Variants in RBSN observed in about 807,000 individuals in gnomAD.
RBSN encodes the protein rabenosyn-5.
Under a neutral mutation model 60.5 loss-of-function variants are expected in RBSN, and 34 were observed. The observed-to-expected ratio is 0.56, with a 90% confidence interval of 0.43 to 0.75. The LOEUF (loss-of-function observed/expected upper bound fraction) is 0.75. Among genes scored for constraint, RBSN ranks in the 30% least tolerant of loss-of-function variants. The probability of loss-of-function intolerance (pLI) is 0.00; values close to 1 mark genes in which losing one functional copy is unlikely to be tolerated. For missense variants in RBSN, 845 were observed against 986.8 expected (o/e 0.86, Z 1.92); for synonymous variants, 322 against 366.9 (o/e 0.88, Z 1.40).
At chr3:15,089,474 A>C (rs931290920) in intron 5 of RBSN, among the ~76,000 whole-genome samples, 5 of 107,714 alleles carry the variant, frequency 4.6e-5, no homozygotes, top group South Asian at 2.4e-4. Flanking sequence ...AAAAAAAAAA[A>C]AAACAAAAAA....
At position 15,073,156 on chromosome 3, in the gene RBSN, A is replaced by G. The variant is rs1283917341; in HGVS notation, c.*626T>C. On this transcript the variant is annotated 3_prime_UTR_variant, in exon 14 of 14. Transcript: ENST00000253699. Reference sequence around the variant, plus strand: ...ATATTCCCATCACCCCACCTTAAAAAGAGGTGCTGGGCTCTCCTGGGTCTA... The same window carrying G: ...ATATTCCCATCACCCCACCTTAAAAGGAGGTGCTGGGCTCTCCTGGGTCTA... The G allele has an allele frequency of 6.6e-6, 1 of 152,634 alleles. No individual in the cohort carries two copies. 9.5% of individuals were successfully genotyped at this position (152,634 alleles called of 1,614,324 possible).
intron 10 of RBSN, among the ~76,000 whole-genome samples, chr3:15,078,779 CATATAT>C (rs57572763): frequency 0.029 from 1,440 of 50,500 alleles, 49 homozygotes; most frequent in Non-Finnish European, 0.037. Context: ...AAAAAAAATA[CATATAT>C]ATATATATAT....
At position 15,084,796 on chromosome 3, in the gene RBSN, G is replaced by A. The variant is rs1254477115; in HGVS notation, c.537C>T (p.Cys179=). The change falls in exon 8 of 14, where the codon TGC becomes TGT. Residue 179 remains cysteine, a synonymous_variant. Coordinates refer to ENST00000253699, the MANE Select transcript of RBSN (RefSeq NM_022340.4). This position sits in a 1 kb window ranked among gnomAD's most constrained non-coding sequence, Gnocchi z 4.2. ...TGCACATAATAGACCCGCAGAGGCGGCAGTGGTGGCGGCGGTTCCGGATGC... is the reference window on the plus strand; with the variant it reads ...TGCACATAATAGACCCGCAGAGGCGACAGTGGTGGCGGCGGTTCCGGATGC... The part of the protein sequence containing the change: ...KFSIRNRRHH[C]RLCGSIMCKK... 1.2e-6 allele frequency: 2 copies of A among 1,614,192 alleles called. No individual in the cohort carries two copies. Among genetic ancestry groups the A allele is most frequent in the East Asian group, 4.5e-5 (2 of 44,888 alleles).
At chr3:15,080,609 A>T in intron 10 of RBSN, 123 bp downstream of exon 10, 1 of 906,494 alleles carries the variant, frequency 1.1e-6, no homozygotes, top group South Asian at 1.5e-5. Flanking sequence ...AACCAACTTC[A>T]GCTGGTCTCA....
chr3:15,076,327 G>A (rs963064342), intron 12 of RBSN, among the ~76,000 whole-genome samples: 2 of 152,156 alleles, frequency 1.3e-5, no homozygotes, highest in African/African-American at 2.4e-5. Flanking sequence ...TTGGCTGGGT[G>A]CAGTGGCTCA....
At position 15,096,130 on chromosome 3, in the gene RBSN, G is replaced by T; in HGVS notation, c.-10C>A. On this transcript the variant is annotated 5_prime_UTR_variant, in exon 4 of 14. Coordinates refer to ENST00000253699, the MANE Select transcript of RBSN (RefSeq NM_022340.4). ...CGTCCAGAGAAGCCATGGCAGTGCC[G>T]CTCTCAACCCTAGGAAGGCAGGAAT... 1.3e-6 allele frequency: 2 copies of T among 1,556,698 alleles called. No individual in the cohort carries two copies. Among genetic ancestry groups the T allele is most frequent in the Non-Finnish European group, 1.7e-6 (2 of 1,154,700 alleles).
chr3:15,077,234 ATC>A lies in RBSN; in HGVS notation c.999-72_999-71del, dbSNP rs2043077627. 2 of 1,334,980 alleles carry A rather than the reference ATC, an allele frequency of 1.5e-6. No homozygotes were observed. Among genetic ancestry groups the A allele is most frequent in the African/African-American group, 2.9e-5 (2 of 69,332 alleles). The allele number at this position is 1,334,980 out of a possible 1,614,324, so 82.7% of individuals were successfully genotyped here. ...CAGAAACAAGGGTGAAAAGTATAAC[ATC>A]TGGAGTTGCCAGGCTTTCATGCCAG... On this transcript the variant is annotated intron_variant, in intron 11 of 13. Transcript: ENST00000253699. This position sits in a 1 kb window ranked among gnomAD's most constrained non-coding sequence, Gnocchi z 4.4.
rs779675751 is a variant in RBSN, at chr3:15,074,086, C to A, written c.2051G>T (p.Ser684Ile). The A allele has an allele frequency of 1.9e-6, 3 of 1,614,034 alleles. No individual in the cohort carries two copies. The highest frequency in any genetic ancestry group is 1.7e-6 in the Non-Finnish European group (2 of 1,180,012). The change falls in exon 14 of 14, where the codon AGC becomes ATC. Residue 684 changes from serine to isoleucine, a missense_variant. Physicochemically the swap from Ser to Ile is moderately radical, Grantham distance 142 (BLOSUM62 -2). Transcript: ENST00000253699. This position sits in a 1 kb window ranked among gnomAD's most constrained non-coding sequence, Gnocchi z 6.4. Reference protein sequence around the residue: ...VAGNPFIQPDSPAPNPFSEED... With the variant: ...VAGNPFIQPDIPAPNPFSEED... ...CTCACTGAAGGGGTTAGGAGCTGGGCTGTCTGGCTGAATGAATGGATTCCC... is the reference window on the plus strand; with the variant it reads ...CTCACTGAAGGGGTTAGGAGCTGGGATGTCTGGCTGAATGAATGGATTCCC...
chr3:15,095,248 T>C lies in RBSN; in HGVS notation c.148+725A>G, dbSNP rs186006272. 5.3e-5 allele frequency among the ~76,000 whole-genome samples: 8 copies of C among 151,858 alleles called. No individual in the cohort carries two copies. In the East Asian group the frequency reaches 1.6e-3, roughly 29 times the overall value. On this transcript the variant is annotated intron_variant, in intron 4 of 13. Transcript: ENST00000253699. ...CATGTTGCCCAGGCTGGTCTTGAAC[T>C]CCTGAGCTCAAGTGATCTGCCCACT...
chr3:15,095,806 T>G (rs755443560), intron 4 of RBSN, 167 bp downstream of exon 4: 10 of 821,320 alleles, frequency 1.2e-5, no homozygotes, highest in Admixed American at 1.2e-4. Flanking sequence ...TAAATGAAAT[T>G]AATAAACAGG....
chr3:15,092,931 A>G (rs1167107792), intron 4 of RBSN, among the ~76,000 whole-genome samples: 1 of 152,226 alleles, frequency 6.6e-6, no homozygotes, highest in Non-Finnish European at 1.5e-5. Flanking sequence ...AGAGAAGGCC[A>G]ATTAAAAATA....
chr3:15,080,131 G>C (rs1466267281), intron 10 of RBSN, among the ~76,000 whole-genome samples: 2 of 151,894 alleles, frequency 1.3e-5, no homozygotes, highest in Non-Finnish European at 2.9e-5. Context: ...TGTAGTCCCA[G>C]CTACTTGGGA....
chr3:15,087,239 G>T (rs1274243508), intron 5 of RBSN, among the ~76,000 whole-genome samples: 1 of 152,120 alleles, frequency 6.6e-6, no homozygotes, highest in Non-Finnish European at 1.5e-5. Context: ...ATCAGGCCAG[G>T]TGCGGTGGCT....
At chr3:15,080,692 A>T in intron 10 of RBSN, 40 bp downstream of exon 10, 1 of 1,584,466 alleles carries the variant, frequency 6.3e-7, no homozygotes, top group Non-Finnish European at 8.6e-7. Flanking sequence ...GCCAGAAAAC[A>T]GTCACCACTG....
At position 15,084,865 on chromosome 3, in the gene RBSN, G is replaced by A. The variant is rs142321590; in HGVS notation, c.468C>T (p.Asn156=). The change falls in exon 8 of 14, where the codon AAC becomes AAT. Residue 156 remains asparagine, a synonymous_variant. Coordinates refer to ENST00000253699, the MANE Select transcript of RBSN (RefSeq NM_022340.4). This position sits in a 1 kb window ranked among gnomAD's most constrained non-coding sequence, Gnocchi z 4.2. ...CTGGACAGAAAGGGACATCCTGGTC[G>A]TTGACCCAAGGCACCACAGACTTTT... is the stretch of plus-strand genomic sequence containing the variant. The part of the protein sequence containing the change: ...AIEKSVVPWV[N]DQDVPFCPDC... 1.1e-4 allele frequency: 171 copies of A among 1,613,842 alleles called. No individual in the cohort carries two copies. The highest frequency in any genetic ancestry group is 6.9e-4 in the African/African-American group (52 of 74,922).
rs925626784 is a variant in RBSN at position 15,070,340 on chromosome 3, G to C, written c.*3442C>G. 2.6e-5 allele frequency: 4 copies of C among 152,632 alleles called. No homozygotes were observed. Among genetic ancestry groups the C allele is most frequent in the African/African-American group, 4.8e-5 (2 of 41,444 alleles). The allele number at this position is 152,632 out of a possible 1,614,324, so 9.5% of individuals were successfully genotyped here. The stretch of plus-strand genomic sequence containing the variant: ...AGACATATTGAGCTGCAAGTACAAT[G>C]AGTAAGTATCCTTAGTGTATTAGAC... On this transcript the variant is annotated 3_prime_UTR_variant, in exon 14 of 14. Coordinates refer to ENST00000253699, the MANE Select transcript of RBSN (RefSeq NM_022340.4).
Position 15,082,724 on chromosome 3 carries a change from C to T in RBSN, c.599-116G>A, listed in dbSNP as rs965864262. On this transcript the variant is annotated intron_variant, in intron 8 of 13. Coordinates refer to ENST00000253699, the MANE Select transcript of RBSN (RefSeq NM_022340.4). The surrounding 1 kb of genome is among the most constrained non-coding windows in gnomAD (Gnocchi z 4.2). The stretch of plus-strand genomic sequence containing the variant: ...ATTTGGAGAGTAATAAGATCAGGCT[C>T]CAGCTGTGGGCACGTACTGCCCCTC... The T allele has an allele frequency of 6.9e-7, 1 of 1,445,176 alleles. No individual in the cohort carries two copies. The highest frequency in any genetic ancestry group is 2.5e-5 in the East Asian group (1 of 39,970). The allele number at this position is 1,445,176 out of a possible 1,614,324, so 89.5% of individuals were successfully genotyped here.
intron 4 of RBSN, chr3:15,091,493 T>C (rs2043515832): frequency 1.6e-6 from 2 of 1,286,384 alleles, no homozygotes; most frequent in Non-Finnish European, 2.0e-6. Flanking sequence ...AGATATAACA[T>C]CTACAACATA....
In RBSN at chr3:15,082,271, C is replaced by T; in HGVS notation, c.840+96G>A. ...AACTACAAATAATTCAAACGAACAA[C>T]TTCCCAAAGCATTCTCCAGAATCTG... On this transcript the variant is annotated intron_variant, in intron 9 of 13. Transcript: ENST00000253699. This position sits in a 1 kb window ranked among gnomAD's most constrained non-coding sequence, Gnocchi z 4.2. The T allele has an allele frequency of 6.7e-7, 1 of 1,496,488 alleles. No homozygotes were observed. Among genetic ancestry groups the T allele is most frequent in the Non-Finnish European group, 9.1e-7 (1 of 1,099,272 alleles). The allele number at this position is 1,496,488 out of a possible 1,614,324, so 92.7% of individuals were successfully genotyped here. A position where few individuals can be genotyped will look rare whatever the true frequency, so the allele number is the denominator to read the frequency against.
Sources: gnomAD v4.1 joint callset for allele counts (sites outside exome capture counted in the v4.1 genomes callset) on GRCh38, gnomAD v4.1.1 for gene constraint, Gnocchi (gnomAD v3.1) non-coding constraint, MANE v1.5 for transcripts, NCBI Gene and HGNC (gene_info 2026-07-23, HGNC 2026-07-21) for gene names.